CORIN: variants seen among roughly 807,000 people sequenced by gnomAD.
CORIN encodes atrial natriuretic peptide-converting enzyme.
CORIN carries 117 observed loss-of-function variants against 125.3 expected under a neutral mutation model. That is an observed-to-expected ratio of 0.93 (90% confidence interval 0.80 to 1.09). The LOEUF (loss-of-function observed/expected upper bound fraction) is 1.09, where lower values mean the gene tolerates loss of function less well. Ranked by LOEUF, CORIN falls within the 50% of genes least tolerant of loss-of-function variation. CORIN has a pLI of 0.00. For missense variants in CORIN, 1,253 were observed against 1,306.7 expected (o/e 0.96, Z 0.63); for synonymous variants, 450 against 466.4 (o/e 0.96, Z 0.45).
intron 5 of CORIN, 111 bp downstream of exon 5, chr4:47,744,291 T>C: frequency 2.0e-6 from 2 of 1,014,194 alleles, no homozygotes; most frequent in Non-Finnish European, 2.9e-6. Context: ...ATGGATCTTG[T>C]CACTTGGTTA....
At chr4:47,772,267 T>A (rs2109888780) in intron 3 of CORIN, among the ~76,000 whole-genome samples, 1 of 152,220 alleles carries the variant, frequency 6.6e-6, no homozygotes, top group African/African-American at 2.4e-5. Flanking sequence ...CAGTGAGGGG[T>A]CAAGGTAGAG....
intron 19 of CORIN, among the ~76,000 whole-genome samples, chr4:47,609,441 T>C (rs1009766125): frequency 2.0e-5 from 3 of 152,294 alleles, no homozygotes; most frequent in African/African-American, 7.2e-5. Context: ...GGTTTCACCA[T>C]GTTGGCCTAT....
intron 20 of CORIN, among the ~76,000 whole-genome samples, chr4:47,601,715 G>GA (rs1016371325): frequency 3.5e-4 from 53 of 151,168 alleles, no homozygotes; most frequent in Middle Eastern, 3.4e-3. Flanking sequence ...TCATAGCTTT[G>GA]AAAAAAAACA....
rs755281614 is a variant in CORIN at position 47,642,368 on chromosome 4, A to C, written c.2069-319T>G. ...CCATGAGTTAACCAGGATTTGCATA[A>C]TTACAAGAAGCGAGTTGTAAATCTA... On this transcript the variant is annotated intron_variant, in intron 15 of 21. Transcript: ENST00000273857. Among the ~76,000 whole-genome samples the C allele has an allele frequency of 3.3e-4, 51 of 152,368 alleles. 1 individual carries two copies. The highest frequency in any genetic ancestry group is 9.1e-4 in the Admixed American group (14 of 15,302).
intron 1 of CORIN, among the ~76,000 whole-genome samples, chr4:47,817,442 A>G (rs1017615590): frequency 6.6e-6 from 1 of 152,136 alleles, no homozygotes; most frequent in African/African-American, 2.4e-5. Context: ...GCCTTGGTGG[A>G]CCCATACCAA....
intron 1 of CORIN, among the ~76,000 whole-genome samples, chr4:47,831,088 T>C (rs1732970908): frequency 1.3e-5 from 2 of 152,212 alleles, no homozygotes; most frequent in Admixed American, 1.3e-4. Context: ...ACAGATGTCA[T>C]CTTGAGCCTC....
chr4:47,649,120 A>G (rs544517139), intron 13 of CORIN, among the ~76,000 whole-genome samples: 2 of 152,258 alleles, frequency 1.3e-5, no homozygotes, highest in East Asian at 1.9e-4. Context: ...AGCCTACCCA[A>G]TTCCTGAGTC....
At chr4:47,632,584 T>A (rs756425424) in intron 16 of CORIN, 4 of 152,196 alleles carry the variant, frequency 2.6e-5, no homozygotes, top group Non-Finnish European at 5.9e-5. Flanking sequence ...TCAGGCTGGA[T>A]AGCTCAGTTC....
intron 5 of CORIN, among the ~76,000 whole-genome samples, chr4:47,730,202 C>T (rs1045571714): frequency 4.6e-5 from 7 of 152,044 alleles, no homozygotes; most frequent in Admixed American, 1.3e-4. Flanking sequence ...AGGCCGGGCG[C>T]GGTGGCTCAC....
At chr4:47,819,956 AG>A (rs1237204008) in intron 1 of CORIN, among the ~76,000 whole-genome samples, 1 of 152,180 alleles carries the variant, frequency 6.6e-6, no homozygotes, top group Non-Finnish European at 1.5e-5. Flanking sequence ...TAGACCATCC[AG>A]GGGGATCCTA....
intron 19 of CORIN, among the ~76,000 whole-genome samples, chr4:47,612,615 A>G (rs992716767): frequency 2.0e-5 from 3 of 152,216 alleles, no homozygotes; most frequent in African/African-American, 7.2e-5. Flanking sequence ...GGAGATGAGC[A>G]ACTCATCTAA....
chr4:47,759,254 G>T (rs1348379562), intron 4 of CORIN, among the ~76,000 whole-genome samples: 6 of 152,160 alleles, frequency 3.9e-5, no homozygotes, highest in African/African-American at 1.2e-4. Context: ...AAATGTAAGG[G>T]CCCAAACTAT....
In CORIN at chr4:47,763,542, A is replaced by G; in HGVS notation, c.454T>C (p.Tyr152His). The G allele has an allele frequency of 6.2e-7, 1 of 1,614,194 alleles. No individual in the cohort carries two copies. Among genetic ancestry groups the G allele is most frequent in the Non-Finnish European group, 8.5e-7 (1 of 1,180,030 alleles). ...AGGAGAGGTGTCAGCGTGGCGTGGT[A>G]GGGCAGCATCTGACACTGGCTGTGG... Reference protein sequence around the residue: ...ITHSQCQMLPYHATLTPLLSV... With the variant: ...ITHSQCQMLPHHATLTPLLSV... The change falls in exon 4 of 22, where the codon TAC becomes CAC. Residue 152 changes from tyrosine (Y) to histidine (H), a missense_variant. Physicochemically the swap from Tyr to His is moderately conservative, Grantham distance 83. Transcript: ENST00000273857.
intron 19 of CORIN, among the ~76,000 whole-genome samples, chr4:47,609,606 G>C (rs1290563080): frequency 6.6e-6 from 1 of 151,868 alleles, no homozygotes; most frequent in Non-Finnish European, 1.5e-5. Context: ...TTCTTGAACT[G>C]TTATTTTAAG....
At chr4:47,728,690 C>A (rs181511971) in intron 5 of CORIN, among the ~76,000 whole-genome samples, 134 of 152,170 alleles carry the variant, frequency 8.8e-4, no homozygotes, top group African/African-American at 3.1e-3. Context: ...TCTGTAAGAC[C>A]ACAAATGTGG....
chr4:47,770,244 T>C lies in CORIN; in HGVS notation c.410-6658A>G, dbSNP rs917546015. ...AATACATACGAATGGCCAACAGGTA[T>C]ATGAAAAAAAGTTCAACATCTCTAG... On this transcript the variant is annotated intron_variant, in intron 3 of 21. Transcript: ENST00000273857. Among the ~76,000 whole-genome samples, 3 of 152,028 alleles carry C rather than the reference T, an allele frequency of 2.0e-5. No individual in the cohort carries two copies. In the East Asian group the frequency reaches 5.8e-4, roughly 29 times the overall value.
At chr4:47,693,453 C>T (rs1328598911) in intron 5 of CORIN, among the ~76,000 whole-genome samples, 1 of 152,096 alleles carries the variant, frequency 6.6e-6, no homozygotes, top group East Asian at 1.9e-4. Flanking sequence ...AAGTAAAGTG[C>T]TACTAATTGA....
chr4:47,649,159 A>G (rs2109632213), intron 13 of CORIN, among the ~76,000 whole-genome samples: 1 of 152,326 alleles, frequency 6.6e-6, no homozygotes, highest in African/African-American at 2.4e-5. Context: ...TGCCATTGTT[A>G]TGGCATGCTC....
intron 1 of CORIN, among the ~76,000 whole-genome samples, chr4:47,828,438 G>T (rs575210374): frequency 2.0e-4 from 31 of 152,226 alleles, no homozygotes; most frequent in African/African-American, 7.2e-4. Flanking sequence ...CCTGTGTGAT[G>T]AACAAAATCT....
Sources: allele counts gnomAD v4.1 joint callset (sites outside exome capture counted in the v4.1 genomes callset), GRCh38; gene constraint gnomAD v4.1.1; transcripts MANE v1.5; gene names NCBI Gene and HGNC (gene_info 2026-07-23, HGNC 2026-07-21).